LMBRD1: variants seen among roughly 807,000 people sequenced by gnomAD.
LMBRD1 encodes lysosomal cobalamin transport escort protein LMBD1.
Under a neutral mutation model 74.8 loss-of-function variants are expected in LMBRD1, and 64 were observed. That is an observed-to-expected ratio of 0.86 (90% CI 0.70 to 1.05). LMBRD1 has a LOEUF of 1.05. Ranked by LOEUF, LMBRD1 falls within the 50% of genes least tolerant of loss-of-function variation. The pLI is 0.00. For synonymous variants in LMBRD1, 204 were observed against 216.3 expected (o/e 0.94, Z 0.50); for missense variants, 652 against 645.9 (o/e 1.01, Z -0.10).
intron 7 of LMBRD1, among the ~76,000 whole-genome samples, chr6:69,735,076 A>G (rs1433829996): frequency 1.3e-5 from 2 of 152,186 alleles, no homozygotes; most frequent in African/African-American, 4.8e-5. Context: ...TATGTAGTAT[A>G]CTTCATGAAT....
At chr6:69,683,277 C>T (rs1291539153) in intron 14 of LMBRD1, among the ~76,000 whole-genome samples, 5 of 151,976 alleles carry the variant, frequency 3.3e-5, no homozygotes, top group African/African-American at 1.2e-4. Context: ...ATCACTGAGG[C>T]CCTCTTTCTA....
intron 14 of LMBRD1, among the ~76,000 whole-genome samples, chr6:69,696,879 A>G (rs533740437): frequency 6.6e-6 from 1 of 152,282 alleles, no homozygotes; most frequent in African/African-American, 2.4e-5. Flanking sequence ...ACATTACTTT[A>G]CCATAAAATA....
intron 6 of LMBRD1, among the ~76,000 whole-genome samples, chr6:69,738,818 G>A (rs1441603294): frequency 6.6e-6 from 1 of 152,104 alleles, no homozygotes; most frequent in Non-Finnish European, 1.5e-5. Flanking sequence ...TATTGAGCGA[G>A]TTTAAATGCA....
intron 3 of LMBRD1, among the ~76,000 whole-genome samples, chr6:69,753,060 G>C (rs573437203): frequency 6.6e-6 from 1 of 152,150 alleles, no homozygotes; most frequent in East Asian, 1.9e-4. Context: ...TTCAAAATTA[G>C]ATTCAACATT....
At chr6:69,768,156 G>A (rs1182264198) in intron 3 of LMBRD1, among the ~76,000 whole-genome samples, 1 of 151,708 alleles carries the variant, frequency 6.6e-6, no homozygotes, top group Admixed American at 6.6e-5. Flanking sequence ...TTTGATTGGG[G>A]GTATTTAGAC....
chr6:69,792,093 A>G (rs1766100702), intron 1 of LMBRD1, among the ~76,000 whole-genome samples: 1 of 152,208 alleles, frequency 6.6e-6, no homozygotes, highest in Non-Finnish European at 1.5e-5. Flanking sequence ...TTTTCCAGGA[A>G]TTTTCATGAA....
chr6:69,763,707 G>A (rs1399486949), intron 3 of LMBRD1, among the ~76,000 whole-genome samples: 2 of 152,126 alleles, frequency 1.3e-5, no homozygotes, highest in Non-Finnish European at 2.9e-5. Flanking sequence ...GTTTAACACT[G>A]CCCCGCAGAA....
At chr6:69,705,280 TA>T (rs1766227622) in intron 9 of LMBRD1, 1 of 730,330 alleles carries the variant, frequency 1.4e-6, no homozygotes. Flanking sequence ...TTGTTTAAAC[TA>T]TTTTCTTAAA....
At chr6:69,693,221 A>T (rs1249129734) in intron 14 of LMBRD1, among the ~76,000 whole-genome samples, 1 of 152,094 alleles carries the variant, frequency 6.6e-6, no homozygotes, top group African/African-American at 2.4e-5. Flanking sequence ...AAAAATAGTA[A>T]GATAGGCATT....
chr6:69,744,184 G>C (rs1428614566), intron 5 of LMBRD1, among the ~76,000 whole-genome samples: 1 of 152,040 alleles, frequency 6.6e-6, no homozygotes, highest in Admixed American at 6.6e-5. Context: ...GGATTTGTGT[G>C]GTAGAAAGGT....
chr6:69,723,841 G>A (rs906166648), intron 7 of LMBRD1, among the ~76,000 whole-genome samples: 1 of 151,498 alleles, frequency 6.6e-6, no homozygotes, highest in East Asian at 1.9e-4. Context: ...AATGAATTTG[G>A]AATAAAACAA....
intron 6 of LMBRD1, among the ~76,000 whole-genome samples, chr6:69,740,676 A>G (rs1582109595): frequency 6.6e-6 from 1 of 152,206 alleles, no homozygotes; most frequent in East Asian, 1.9e-4. Context: ...TTAGTATTGT[A>G]CCTGGGTAAA....
At chr6:69,756,714 T>C (rs1042714959) in intron 3 of LMBRD1, among the ~76,000 whole-genome samples, 7 of 152,202 alleles carry the variant, frequency 4.6e-5, no homozygotes, top group Admixed American at 4.6e-4. Flanking sequence ...AGGGCACTTA[T>C]TGGAGACTTG....
At chr6:69,762,180 T>C (rs556053069) in intron 3 of LMBRD1, among the ~76,000 whole-genome samples, 1 of 152,344 alleles carries the variant, frequency 6.6e-6, no homozygotes, top group East Asian at 1.9e-4. Flanking sequence ...TTGTTGGACA[T>C]TTGAATACTT....
intron 14 of LMBRD1, among the ~76,000 whole-genome samples, chr6:69,693,734 AAGGGTAGG>A (rs1284629923): frequency 7.9e-5 from 12 of 151,766 alleles, no homozygotes; most frequent in African/African-American, 2.9e-4. Flanking sequence ...CCCTCATCCT[AAGGGTAGG>A]GATGGGGTGG....
rs919579332 is a variant in LMBRD1 at position 69,700,705 on chromosome 6, T to G, written c.1188+60A>C. 2.9e-5 allele frequency: 33 copies of G among 1,131,512 alleles called. No individual in the cohort carries two copies. The South Asian group carries it at 5.2e-4, about 18-fold the overall frequency. The allele number at this position is 1,131,512 out of a possible 1,614,324, so 70.1% of individuals were successfully genotyped here. On this transcript the variant is annotated intron_variant, in intron 12 of 15. Coordinates refer to ENST00000649934, the MANE Select transcript of LMBRD1 (RefSeq NM_018368.4). Reference sequence around the variant, plus strand: ...TATATTCTAAATCTAAGATAATTTGTAATTATGGAGATCACACACAAAATG... The same window carrying G: ...TATATTCTAAATCTAAGATAATTTGGAATTATGGAGATCACACACAAAATG...
At chr6:69,738,707 T>G (rs568368751) in intron 6 of LMBRD1, among the ~76,000 whole-genome samples, 1 of 152,184 alleles carries the variant, frequency 6.6e-6, no homozygotes, top group Non-Finnish European at 1.5e-5. Flanking sequence ...AATGACACTT[T>G]CACATAAATA....
chr6:69,741,988 C>CAGATTT, intron 5 of LMBRD1, 111 bp from the exon 6 acceptor site: 1 of 693,014 alleles, frequency 1.4e-6, no homozygotes. Context: ...AAAATCTGTA[C>CAGATTT]TATGCACAGA....
chr6:69,711,455 T>A (rs1766382230), intron 9 of LMBRD1, among the ~76,000 whole-genome samples: 1 of 152,096 alleles, frequency 6.6e-6, no homozygotes, highest in Non-Finnish European at 1.5e-5. Context: ...TTTGGTGAAA[T>A]GGAACATAGC....
Sources: allele counts gnomAD v4.1 joint callset (sites outside exome capture counted in the v4.1 genomes callset), GRCh38; gene constraint gnomAD v4.1.1; transcripts MANE v1.5; gene names NCBI Gene and HGNC (gene_info 2026-07-23, HGNC 2026-07-21).